Variants in DECR1 observed in about 807,000 individuals in gnomAD.
DECR1 encodes 2,4-dienoyl-CoA reductase [(3E)-enoyl-CoA-producing], mitochondrial.
In DECR1, 44 loss-of-function variants were observed where a neutral mutation model predicts 38.8. The observed-to-expected ratio is 1.13, with a 90% CI of 0.89 to 1.46. The LOEUF (loss-of-function observed/expected upper bound fraction) is 1.46, where lower values mean the gene tolerates loss of function less well. Among genes scored for constraint, DECR1 ranks in the 40% most tolerant of loss-of-function variants. The pLI, the probability that DECR1 is intolerant of heterozygous loss-of-function variation, is 0.00. For missense variants in DECR1, 428 were observed against 405.5 expected, an observed-to-expected ratio of 1.06 and a Z score of -0.48; for synonymous variants, 148 against 135.2, an observed-to-expected ratio of 1.09 and a Z score of -0.66.
chr8:90,051,228 G>C (rs1438584998), intron 8 of DECR1, among the ~76,000 whole-genome samples: 1 of 151,790 alleles, frequency 6.6e-6, no homozygotes, highest in African/African-American at 2.4e-5. Flanking sequence ...CATGTCTGAG[G>C]AGGGCTCAGG....
Position 90,049,890 on chromosome 8 carries a change from G to A in DECR1, c.886-1787G>A, listed in dbSNP as rs111302491. 2.4e-3 allele frequency among the ~76,000 whole-genome samples: 368 copies of A among 152,282 alleles called. 3 individuals are homozygous for A. The highest frequency in any genetic ancestry group is 7.7e-3 in the African/African-American group (320 of 41,558). ...TAATACCACACATCTACAACCATCT[G>A]ATCTTTGAGAAGCCTGACAAATACA... On this transcript the variant is annotated intron_variant, in intron 8 of 9. Coordinates refer to ENST00000220764, the MANE Select transcript of DECR1 (RefSeq NM_001359.2).
intron 5 of DECR1, among the ~76,000 whole-genome samples, chr8:90,021,725 T>C (rs1425875318): frequency 6.6e-6 from 1 of 152,080 alleles, no homozygotes; most frequent in Non-Finnish European, 1.5e-5. Flanking sequence ...TAGAAGACAT[T>C]TAGAAGACAA....
At chr8:90,042,681 A>G (rs1196884904) in intron 6 of DECR1, 47 bp from the exon 7 acceptor site, 4 of 1,508,236 alleles carry the variant, frequency 2.7e-6, no homozygotes, top group Non-Finnish European at 2.8e-6. Context: ...TGTCTTTAAC[A>G]TATGGTATAA....
chr8:90,025,361 A>C (rs1389656381), intron 5 of DECR1, among the ~76,000 whole-genome samples: 16 of 152,158 alleles, frequency 1.1e-4, no homozygotes, highest in Admixed American at 9.2e-4. Flanking sequence ...TGAGCATGGA[A>C]TGTTCTTCCA....
At chr8:90,018,704 A>G (rs939169318) in intron 2 of DECR1, 2 of 496,844 alleles carry the variant, frequency 4.0e-6, no homozygotes, top group Admixed American at 3.5e-5. Context: ...AACTGGTTTA[A>G]AAGTGACTAA....
intron 6 of DECR1, among the ~76,000 whole-genome samples, chr8:90,041,922 C>G (rs1813773864): frequency 6.6e-6 from 1 of 151,978 alleles, no homozygotes; most frequent in Non-Finnish European, 1.5e-5. Context: ...TTCTTTTAAG[C>G]TACCTCGTCA....
At position 90,044,903 on chromosome 8, in the gene DECR1, A is replaced by T. The variant is rs1489790349; in HGVS notation, c.793A>T (p.Arg265Ter). The T allele has an allele frequency of 6.2e-7, 1 of 1,613,542 alleles. No homozygotes were observed. The highest frequency in any genetic ancestry group is 1.7e-5 in the Admixed American group (1 of 60,008). Residue 265 changes from arginine (R) to a stop codon, truncating the protein, a stop_gained, in exon 8 of 10, where the codon AGA becomes TGA. Transcript: ENST00000220764. LOFTEE classifies it high-confidence loss of function. ...TGTFEKEMIG[R>*]IPCGRLGTVE... ...AACATTTGAGAAAGAAATGATTGGC[A>T]GAATTCCCTGTGGTCGCCTGGGGAC...
At position 90,001,580 on chromosome 8, in the gene DECR1, C is replaced by G. The variant is rs1395661844; in HGVS notation, c.69+19C>G. ...TCGGAGGGTAAGGCGGCCGGGGGCG[C>G]GGGGAGCGAGGACAGGGCGTCTCGA... On this transcript the variant is annotated intron_variant, in intron 1 of 9. Coordinates refer to ENST00000220764, the MANE Select transcript of DECR1 (RefSeq NM_001359.2). 6.2e-7 allele frequency: 1 copy of G among 1,608,878 alleles called. No individual in the cohort carries two copies. The highest frequency in any genetic ancestry group is 8.5e-7 in the Non-Finnish European group (1 of 1,176,734).
intron 8 of DECR1, among the ~76,000 whole-genome samples, chr8:90,050,871 G>T (rs1293658505): frequency 6.6e-6 from 1 of 152,150 alleles, no homozygotes; most frequent in Non-Finnish European, 1.5e-5. Context: ...CATGTCCTTT[G>T]TAGGGACATG....
At chr8:90,015,391 A>G in intron 1 of DECR1, 1 of 268,868 alleles carries the variant, frequency 3.7e-6, no homozygotes, top group Non-Finnish European at 7.5e-6. Flanking sequence ...CTGTATGGTA[A>G]ATATTGAATC....
At position 90,001,536 on chromosome 8, in the gene DECR1, T is replaced by G. The variant is rs1812610160; in HGVS notation, c.44T>G (p.Leu15Arg). ...ARVFFTLGSRLPCGLAPRRFF... is the reference protein window; with the variant it reads ...ARVFFTLGSRRPCGLAPRRFF... The stretch of plus-strand genomic sequence containing the variant: ...GTTTTCTTTACTCTGGGGTCCCGGC[T>G]GCCCTGTGGCCTCGCTCCTCGGAGG... Residue 15 changes from leucine to arginine, a missense_variant, in exon 1 of 10, where the codon CTG becomes CGG. Coordinates refer to ENST00000220764, the MANE Select transcript of DECR1 (RefSeq NM_001359.2). The G allele has an allele frequency of 6.2e-7, 1 of 1,613,702 alleles. No individual in the cohort carries two copies. Among genetic ancestry groups the G allele is most frequent in the African/African-American group, 1.3e-5 (1 of 74,930 alleles).
chr8:90,011,899 G>A (rs1396151343), intron 1 of DECR1, among the ~76,000 whole-genome samples: 1 of 152,126 alleles, frequency 6.6e-6, no homozygotes, highest in Non-Finnish European at 1.5e-5. Flanking sequence ...GAAGTTGCCA[G>A]AATTCTTATC....
At chr8:90,045,364 G>C (rs571306460) in intron 8 of DECR1, among the ~76,000 whole-genome samples, 1 of 152,042 alleles carries the variant, frequency 6.6e-6, no homozygotes, top group Non-Finnish European at 1.5e-5. Context: ...TTAGCAAACG[G>C]CACACCAGGA....
intron 2 of DECR1, 46 bp downstream of exon 2, chr8:90,017,372 T>G (rs766345575): frequency 2.0e-6 from 3 of 1,505,280 alleles, no homozygotes; most frequent in Non-Finnish European, 2.7e-6. Context: ...TTGAAGAAAC[T>G]GTTCTGTGCC....
chr8:90,040,977 G>C (rs1219202066), intron 6 of DECR1, among the ~76,000 whole-genome samples: 1 of 152,142 alleles, frequency 6.6e-6, no homozygotes, highest in East Asian at 1.9e-4. Context: ...ATAATCCTTT[G>C]AGTATATACC....
At chr8:90,051,653 AG>A (rs1814096423) in intron 8 of DECR1, 23 bp from the exon 9 acceptor site, 1 of 1,598,560 alleles carries the variant, frequency 6.3e-7, no homozygotes, top group African/African-American at 1.3e-5. Context: ...TTAGTTTCAG[AG>A]TTTAAAAATT....
chr8:90,044,719 C>T, intron 7 of DECR1, 130 bp from the exon 8 acceptor site: 2 of 836,214 alleles, frequency 2.4e-6, no homozygotes, highest in South Asian at 3.2e-5. Context: ...TGGTGAAATT[C>T]TTTTTTACTT....
intron 8 of DECR1, among the ~76,000 whole-genome samples, chr8:90,050,034 G>T (rs1345020146): frequency 6.6e-6 from 1 of 152,134 alleles, no homozygotes; most frequent in East Asian, 1.9e-4. Flanking sequence ...ATTCAAGATG[G>T]ATTAAAGACT....
In DECR1 at chr8:90,044,862, G is replaced by C. The variant is rs144788496; in HGVS notation, c.752G>C (p.Arg251Pro). 2 of 1,612,768 alleles carry C rather than the reference G, an allele frequency of 1.2e-6. No individual in the cohort carries two copies. Among genetic ancestry groups the C allele is most frequent in the Non-Finnish European group, 1.7e-6 (2 of 1,179,276 alleles). Reference protein sequence around the residue: ...GPIKTKGAFSRLDPTGTFEKE... With the variant: ...GPIKTKGAFSPLDPTGTFEKE... ...TTAATTTCTAAGGGTGCCTTTAGCC[G>C]TCTGGACCCAACTGGAACATTTGAG... Residue 251 changes from arginine (R) to proline (P), a missense_variant, in exon 8 of 10, where the codon CGT becomes CCT. Physicochemically the swap from Arg to Pro is moderately radical, Grantham distance 103. Coordinates refer to ENST00000220764, the MANE Select transcript of DECR1 (RefSeq NM_001359.2).
Sources: gnomAD v4.1 joint callset for allele counts (sites outside exome capture counted in the v4.1 genomes callset) on GRCh38, gnomAD v4.1.1 for gene constraint, MANE v1.5 for transcripts, NCBI Gene and HGNC (gene_info 2026-07-23, HGNC 2026-07-21) for gene names.